Variants in DNAJC5B observed in about 807,000 individuals in gnomAD.
DNAJC5B encodes the protein dnaJ homolog subfamily C member 5B.
In DNAJC5B, 23 loss-of-function variants were observed where a neutral mutation model predicts 24.7. The observed-to-expected ratio is 0.93, with a 90% CI of 0.67 to 1.32. DNAJC5B has a LOEUF of 1.32. Ranked by LOEUF, DNAJC5B falls within the 40% of genes most tolerant of loss-of-function variation. The pLI is 0.00. For missense variants in DNAJC5B, 238 were observed against 240.8 expected (o/e 0.99, Z 0.08); for synonymous variants, 101 against 90.1 (o/e 1.12, Z -0.68).
At chr8:66,077,870 G>A (rs556210342) in intron 4 of DNAJC5B, among the ~76,000 whole-genome samples, 3 of 152,266 alleles carry the variant, frequency 2.0e-5, no homozygotes, top group Middle Eastern at 3.4e-3. Flanking sequence ...GGGATACCTG[G>A]GATTCCCCTT....
chr8:66,034,367 C>T (rs1254785919), intron 1 of DNAJC5B, among the ~76,000 whole-genome samples: 1 of 151,872 alleles, frequency 6.6e-6, no homozygotes, highest in African/African-American at 2.4e-5. Context: ...ATTCACCCCA[C>T]CAGCAGATGG....
chr8:66,054,101 A>T (rs1356812312), intron 3 of DNAJC5B, among the ~76,000 whole-genome samples: 2 of 152,016 alleles, frequency 1.3e-5, no homozygotes, highest in Non-Finnish European at 2.9e-5. Flanking sequence ...TATACTTAAT[A>T]TACATATATT....
chr8:66,042,831 A>G (rs553255928), intron 1 of DNAJC5B, among the ~76,000 whole-genome samples: 41 of 151,768 alleles, frequency 2.7e-4, no homozygotes, highest in African/African-American at 9.7e-4. Flanking sequence ...TAGAGGTGAG[A>G]GTGCTCTGAA....
chr8:66,038,153 G>A (rs940677393), intron 1 of DNAJC5B, among the ~76,000 whole-genome samples: 1 of 152,198 alleles, frequency 6.6e-6, no homozygotes, highest in African/African-American at 2.4e-5. Flanking sequence ...TTCCAGATTT[G>A]TGACCCTCAT....
intron 3 of DNAJC5B, among the ~76,000 whole-genome samples, chr8:66,074,135 G>C (rs918697702): frequency 5.3e-5 from 8 of 152,148 alleles, no homozygotes; most frequent in African/African-American, 1.9e-4. Context: ...CATGCACTTA[G>C]AGAATATCCA....
At chr8:66,053,817 C>A (rs112047666) in intron 3 of DNAJC5B, among the ~76,000 whole-genome samples, 3 of 151,948 alleles carry the variant, frequency 2.0e-5, no homozygotes, top group East Asian at 1.9e-4. Context: ...TTAGTAGAGA[C>A]GGGGTTTCTC....
chr8:66,032,022 C>T lies in DNAJC5B; in HGVS notation c.-142+10317C>T, dbSNP rs151019812. On this transcript the variant is annotated intron_variant, in intron 1 of 5. Transcript: ENST00000276570. The stretch of plus-strand genomic sequence containing the variant: ...TCCCATATGGAAAGTAGTCTTATTC[C>T]CATTTACTCCACAGCTGTTTATTTA... Among the ~76,000 whole-genome samples the T allele has an allele frequency of 3.9e-3, 597 of 152,314 alleles. 3 individuals carry two copies. Among genetic ancestry groups the T allele is most frequent in the African/African-American group, 0.014 (571 of 41,570 alleles).
intron 5 of DNAJC5B, among the ~76,000 whole-genome samples, chr8:66,088,038 G>T (rs2128966061): frequency 6.6e-6 from 1 of 152,340 alleles, no homozygotes; most frequent in South Asian, 2.1e-4. Context: ...CCCAGCAGAG[G>T]CTCTCCATGA....
At chr8:66,030,399 A>G (rs189912289) in intron 1 of DNAJC5B, among the ~76,000 whole-genome samples, 2 of 152,308 alleles carry the variant, frequency 1.3e-5, no homozygotes, top group East Asian at 3.9e-4. Flanking sequence ...AGAACCTTAA[A>G]GGAACTAAAC....
upstream of DNAJC5B, among the ~76,000 whole-genome samples, chr8:66,016,885 T>C (rs1448087683): frequency 2.6e-5 from 4 of 152,228 alleles, no homozygotes; most frequent in Admixed American, 2.6e-4. Context: ...TCTTTTGGAA[T>C]GTAGGTCTTC....
chr8:66,020,918 A>T (rs1183595218), upstream of DNAJC5B, among the ~76,000 whole-genome samples: 1 of 152,156 alleles, frequency 6.6e-6, no homozygotes, highest in African/African-American at 2.4e-5. Context: ...GATTACAGGC[A>T]TGAGCCATCT....
chr8:66,060,338 G>A (rs1183419373), intron 3 of DNAJC5B, among the ~76,000 whole-genome samples: 4 of 152,210 alleles, frequency 2.6e-5, no homozygotes, highest in East Asian at 1.9e-4. Context: ...GTGTCAGGCT[G>A]TACCACTGGT....
intron 1 of DNAJC5B, among the ~76,000 whole-genome samples, chr8:66,034,806 G>A (rs1323410905): frequency 6.6e-6 from 1 of 152,132 alleles, no homozygotes; most frequent in Non-Finnish European, 1.5e-5. Flanking sequence ...CAGGTGTCTG[G>A]AAGGGCTGGG....
chr8:66,070,427 C>T (rs893308118), intron 3 of DNAJC5B, among the ~76,000 whole-genome samples: 7 of 151,942 alleles, frequency 4.6e-5, no homozygotes, highest in East Asian at 1.9e-4. Context: ...AGACAGAGAG[C>T]GAAATCATGA....
At chr8:66,079,428 G>A (rs1461576100) in intron 4 of DNAJC5B, among the ~76,000 whole-genome samples, 1 of 152,182 alleles carries the variant, frequency 6.6e-6, no homozygotes, top group African/African-American at 2.4e-5. Context: ...TGGGGACAAA[G>A]GAGGGAGTCA....
chr8:66,035,339 C>A (rs557157031), intron 1 of DNAJC5B, among the ~76,000 whole-genome samples: 2 of 152,174 alleles, frequency 1.3e-5, no homozygotes, highest in African/African-American at 4.8e-5. Flanking sequence ...ATCTCTGGTG[C>A]CCGTGGATGT....
rs1491447309 is a variant in DNAJC5B, at chr8:66,043,822, T to TC, written c.-18+211_-18+212insC. On this transcript the variant is annotated intron_variant, in intron 2 of 5. Transcript: ENST00000276570. The stretch of plus-strand genomic sequence containing the variant: ...AAGGATTAGTGCAATGAAAAGAACC[T>TC]TTTTTTTTTTTTTTTTTCCTTTGAG... Among the ~76,000 whole-genome samples, 23 of 88,450 alleles carry TC rather than the reference T, an allele frequency of 2.6e-4. No homozygotes were observed. The African/African-American group carries it at 4.1e-3, about 16-fold the overall frequency. 58.0% of individuals were successfully genotyped at this position (88,450 alleles called of 152,430 possible).
intron 1 of DNAJC5B, among the ~76,000 whole-genome samples, chr8:66,033,612 A>AACCAG (rs1753765177): frequency 6.6e-6 from 1 of 152,136 alleles, no homozygotes; most frequent in Non-Finnish European, 1.5e-5. Context: ...CCGAGCTGTG[A>AACCAG]ACCAGATCAC....
In DNAJC5B at chr8:66,071,315, A is replaced by G. The variant is rs1355717555; in HGVS notation, c.120-5345A>G. ...CAATCTATCCATCTGACAAAGGGCT[A>G]ATATCCAGAATCGACAAAGAACTTA... On this transcript the variant is annotated intron_variant, in intron 3 of 5. Coordinates refer to ENST00000276570, the MANE Select transcript of DNAJC5B (RefSeq NM_033105.6). Among the ~76,000 whole-genome samples, 3 of 152,234 alleles carry G rather than the reference A, an allele frequency of 2.0e-5. No homozygotes were observed. The East Asian group carries it at 5.8e-4, about 29-fold the overall frequency.
Sources: gnomAD v4.1 joint callset for allele counts (sites outside exome capture counted in the v4.1 genomes callset) on GRCh38, gnomAD v4.1.1 for gene constraint, MANE v1.5 for transcripts, NCBI Gene and HGNC (gene_info 2026-07-23, HGNC 2026-07-21) for gene names.